Variants in SUPT3H observed in about 807,000 individuals in gnomAD.
SUPT3H encodes the protein SPT3 homolog, SAGA and STAGA complex component.
SUPT3H carries 44 observed loss-of-function variants against 44.3 expected under a neutral mutation model. The ratio of observed to expected loss-of-function variants is 0.99; its 90% CI spans 0.78 to 1.28. SUPT3H has a LOEUF of 1.28. Among genes scored for constraint, SUPT3H ranks in the 50% most tolerant of loss-of-function variants. The pLI is 0.00. For missense variants in SUPT3H, 380 were observed against 387.1 expected (o/e 0.98, Z 0.15); for synonymous variants, 124 against 125.6 (o/e 0.99, Z 0.09).
At chr6:45,046,753 A>G (rs541038128) in intron 3 of SUPT3H, among the ~76,000 whole-genome samples, 2 of 152,212 alleles carry the variant, frequency 1.3e-5, no homozygotes, top group Non-Finnish European at 2.9e-5. Flanking sequence ...TTAGCTGTCA[A>G]TATTTAGAAA....
At chr6:44,937,404 G>T (rs1163251653) in intron 9 of SUPT3H, among the ~76,000 whole-genome samples, 2 of 151,908 alleles carry the variant, frequency 1.3e-5, no homozygotes, top group Non-Finnish European at 2.9e-5. Context: ...TGAGGCAAGG[G>T]AATCGCTTGA....
At chr6:45,235,512 G>A (rs1473381219) in intron 2 of SUPT3H, among the ~76,000 whole-genome samples, 1 of 152,100 alleles carries the variant, frequency 6.6e-6, no homozygotes, top group African/African-American at 2.4e-5. Context: ...ATATACATGT[G>A]TGTGTGTGTA....
chr6:45,166,885 C>T (rs924357625), intron 2 of SUPT3H, among the ~76,000 whole-genome samples: 3 of 152,096 alleles, frequency 2.0e-5, no homozygotes, highest in Admixed American at 6.6e-5. Context: ...CAAGTGTTGA[C>T]GAAGATATGA....
chr6:45,297,190 A>G (rs1781437245), intron 2 of SUPT3H, among the ~76,000 whole-genome samples: 1 of 152,140 alleles, frequency 6.6e-6, no homozygotes, highest in African/African-American at 2.4e-5. Context: ...TACAAGAAAA[A>G]TTTTAGAGGA....
At chr6:45,114,192 C>T (rs930026839) in intron 2 of SUPT3H, among the ~76,000 whole-genome samples, 1 of 152,154 alleles carries the variant, frequency 6.6e-6, no homozygotes, top group African/African-American at 2.4e-5. Flanking sequence ...ATTAATCACT[C>T]AATCAACAAA....
chr6:44,813,706 T>TA (rs202023222), intron 11 of SUPT3H, among the ~76,000 whole-genome samples: 12 of 139,590 alleles, frequency 8.6e-5, no homozygotes, highest in South Asian at 2.3e-4. Context: ...ATTAAAAAAA[T>TA]AAAAAAAATT....
intron 10 of SUPT3H, among the ~76,000 whole-genome samples, chr6:44,903,562 C>T (rs1210725215): frequency 6.6e-6 from 1 of 152,056 alleles, no homozygotes; most frequent in Admixed American, 6.6e-5. Flanking sequence ...CAAAAAAAGT[C>T]CAGGACCAGA....
intron 10 of SUPT3H, among the ~76,000 whole-genome samples, chr6:44,863,582 C>A (rs1281618142): frequency 6.6e-6 from 1 of 151,978 alleles, no homozygotes. Flanking sequence ...TAAGTGGAGT[C>A]TTTGAGGAAC....
intron 10 of SUPT3H, among the ~76,000 whole-genome samples, chr6:44,883,275 A>G (rs762409629): frequency 5.9e-5 from 9 of 152,234 alleles, no homozygotes; most frequent in East Asian, 1.9e-4. Context: ...CCCATTCACA[A>G]TTGCTACAAA....
At chr6:44,888,795 G>A (rs938642820) in intron 10 of SUPT3H, among the ~76,000 whole-genome samples, 2 of 151,920 alleles carry the variant, frequency 1.3e-5, no homozygotes, top group Non-Finnish European at 2.9e-5. Context: ...GAAATAAAGG[G>A]TATTCAATTA....
intron 2 of SUPT3H, among the ~76,000 whole-genome samples, chr6:45,261,372 C>T (rs1774331751): frequency 1.3e-5 from 2 of 151,888 alleles, no homozygotes; most frequent in Non-Finnish European, 2.9e-5. Flanking sequence ...AGCTAACTGA[C>T]AATGATAAAG....
chr6:45,076,311 T>C (rs550488312), intron 3 of SUPT3H, among the ~76,000 whole-genome samples: 2 of 152,182 alleles, frequency 1.3e-5, no homozygotes, highest in Non-Finnish European at 2.9e-5. Flanking sequence ...AATGGTAATG[T>C]AATGCTGACT....
chr6:45,150,870 G>C (rs765230045), intron 2 of SUPT3H, among the ~76,000 whole-genome samples: 23 of 152,050 alleles, frequency 1.5e-4, no homozygotes, highest in Non-Finnish European at 3.2e-4. Context: ...CTACAGGCGT[G>C]CGCCACCATG....
intron 2 of SUPT3H, among the ~76,000 whole-genome samples, chr6:45,325,270 A>T (rs1245966532): frequency 5.3e-5 from 8 of 150,796 alleles, no homozygotes; most frequent in Non-Finnish European, 1.2e-4. Flanking sequence ...AATAATCCTT[A>T]AAAAAATGCA....
chr6:45,124,874 C>G (rs964998265), intron 2 of SUPT3H, among the ~76,000 whole-genome samples: 9 of 152,012 alleles, frequency 5.9e-5, no homozygotes, highest in Non-Finnish European at 1.3e-4. Context: ...AGGGTAGGCT[C>G]TAGACGAATA....
In SUPT3H at chr6:44,828,798, C is replaced by G. The variant is rs1768096721; in HGVS notation, c.*1018G>C. 6.6e-6 allele frequency: 1 copy of G among 152,360 alleles called. No homozygotes were observed. The highest frequency in any genetic ancestry group is 2.1e-4 in the South Asian group (1 of 4,814). The allele number at this position is 152,360 out of a possible 1,614,324, so 9.4% of individuals were successfully genotyped here. ...GAGTGTTTCAAGTATGTGTAAAAACCATAAAAGTAAAATTATACAAAACTC... is the reference window on the plus strand; with the variant it reads ...GAGTGTTTCAAGTATGTGTAAAAACGATAAAAGTAAAATTATACAAAACTC... On this transcript the variant is annotated 3_prime_UTR_variant, in exon 11 of 11. Coordinates refer to ENST00000371459, the MANE Select transcript of SUPT3H (RefSeq NM_003599.4).
At chr6:45,122,204 T>C (rs1224838563) in intron 2 of SUPT3H, among the ~76,000 whole-genome samples, 1 of 152,224 alleles carries the variant, frequency 6.6e-6, no homozygotes, top group East Asian at 1.9e-4. Context: ...ATTCCAGATA[T>C]GGGGTTGGGG....
rs188049245 is a variant in SUPT3H, at chr6:45,069,079, G to A, written c.186+36843C>T. Among the ~76,000 whole-genome samples the A allele has an allele frequency of 8.9e-3, 1,350 of 152,036 alleles. 10 individuals are homozygous for A. Among genetic ancestry groups the A allele is most frequent in the Non-Finnish European group, 0.012 (838 of 67,986 alleles). Reference sequence around the variant, plus strand: ...TTTACAATGCTTAGAGCACAATAGAGAATCAATAAGTACTGTATTGAACAT... The same window carrying A: ...TTTACAATGCTTAGAGCACAATAGAAAATCAATAAGTACTGTATTGAACAT... On this transcript the variant is annotated intron_variant, in intron 3 of 10. Coordinates refer to ENST00000371459, the MANE Select transcript of SUPT3H (RefSeq NM_003599.4).
intron 10 of SUPT3H, among the ~76,000 whole-genome samples, chr6:44,921,050 G>C (rs566183134): frequency 3.3e-5 from 5 of 152,116 alleles, no homozygotes; most frequent in Non-Finnish European, 7.4e-5. Flanking sequence ...CAGTCACATG[G>C]CACTGCTTAT....
Sources: gnomAD v4.1 joint callset for allele counts (sites outside exome capture counted in the v4.1 genomes callset) on GRCh38, gnomAD v4.1.1 for gene constraint, MANE v1.5 for transcripts, NCBI Gene and HGNC (gene_info 2026-07-23, HGNC 2026-07-21) for gene names.